The following MOV10L1 variants were observed in gnomAD, a reference collection of about 807,000 sequenced individuals.
MOV10L1 encodes the protein RNA helicase Mov10l1.
A neutral mutation model predicts 143.8 loss-of-function variants in MOV10L1; 110 were observed. That is an observed-to-expected ratio of 0.76 (90% CI 0.66 to 0.90). The LOEUF is 0.90. Among genes scored for constraint, MOV10L1 ranks in the 40% least tolerant of loss-of-function variants. MOV10L1 has a pLI of 0.00. For missense variants in MOV10L1, 1,406 were observed against 1,526.8 expected, an observed-to-expected ratio of 0.92 and a Z score of 1.32; for synonymous variants, 593 against 581.1, an observed-to-expected ratio of 1.02 and a Z score of -0.29.
intron 9 of MOV10L1, among the ~76,000 whole-genome samples, chr22:50,117,778 A>G (rs2062223055): frequency 6.6e-6 from 1 of 152,158 alleles, no homozygotes; most frequent in African/African-American, 2.4e-5. Flanking sequence ...CTGTTTGAAG[A>G]TGTGGTACCA....
Position 50,143,149 on chromosome 22 carries a change from T to C in MOV10L1, c.2286T>C (p.Arg762=). The C allele has an allele frequency of 6.2e-7, 1 of 1,613,984 alleles. No homozygotes were observed. The highest frequency in any genetic ancestry group is 8.5e-7 in the Non-Finnish European group (1 of 1,179,966). Reference sequence around the variant, plus strand: ...AAAGGATTCTGAGTGGTGACTGCCGTCCCCTCCCGTATATTCTCTTTGGAC... The same window carrying C: ...AAAGGATTCTGAGTGGTGACTGCCGCCCCCTCCCGTATATTCTCTTTGGAC... ...AVKRILSGDC[R]PLPYILFGPP... is the part of the protein sequence containing the mutation. Residue 762 remains arginine (R), a synonymous_variant, in exon 17 of 27, where the codon CGT becomes CGC. Coordinates refer to ENST00000262794, the MANE Select transcript of MOV10L1 (RefSeq NM_018995.3).
At chr22:50,120,447 T>C in intron 9 of MOV10L1, 55 bp from the exon 10 acceptor site, 1 of 1,108,374 alleles carries the variant, frequency 9.0e-7, no homozygotes, top group Admixed American at 1.9e-5. Context: ...TAAGAATGTC[T>C]AGTGATACCT....
At chr22:50,145,662 A>T in intron 18 of MOV10L1, 27 bp from the exon 19 acceptor site, 1 of 1,612,442 alleles carries the variant, frequency 6.2e-7, no homozygotes, top group Non-Finnish European at 8.5e-7. Flanking sequence ...GGAGGAGTAA[A>T]CTAACTCTAC....
chr22:50,133,155 G>T (rs2062724925), intron 13 of MOV10L1, among the ~76,000 whole-genome samples: 1 of 152,190 alleles, frequency 6.6e-6, no homozygotes, highest in African/African-American at 2.4e-5. Context: ...AGAAGTGGTG[G>T]CAAGTGCTGC....
chr22:50,099,292 C>G (rs1474224653), intron 2 of MOV10L1, 151 bp from the exon 3 acceptor site: 1 of 823,726 alleles, frequency 1.2e-6, no homozygotes, highest in South Asian at 1.8e-5. Flanking sequence ...CGACGGTATA[C>G]CAGGAAGAAG....
At chr22:50,120,465 AAG>A (rs1335455743) in intron 9 of MOV10L1, 35 bp from the exon 10 acceptor site, 9 of 1,355,138 alleles carry the variant, frequency 6.6e-6, no homozygotes, top group Non-Finnish European at 9.5e-6. Flanking sequence ...CCTGGTGATA[AAG>A]ACTTATTTTT....
chr22:50,146,478 G>T (rs1249760524), intron 19 of MOV10L1, among the ~76,000 whole-genome samples: 2 of 152,068 alleles, frequency 1.3e-5, no homozygotes, highest in Non-Finnish European at 1.5e-5. Flanking sequence ...GGGGGGTGGG[G>T]TCGGGGAGGC....
intron 12 of MOV10L1, 85 bp downstream of exon 12, chr22:50,126,357 G>C: frequency 1.0e-6 from 1 of 991,742 alleles, no homozygotes; most frequent in Non-Finnish European, 1.5e-6. Context: ...ACGGCTCTTG[G>C]GGAGATGCTC....
At chr22:50,147,103 G>A in intron 19 of MOV10L1, 1 of 1,573,550 alleles carries the variant, frequency 6.4e-7, no homozygotes, top group Non-Finnish European at 8.6e-7. Flanking sequence ...CTCTTTGGGG[G>A]CAGAGCGGGC....
intron 1 of MOV10L1, chr22:50,090,670 A>G: frequency 1.1e-6 from 1 of 952,308 alleles, no homozygotes; most frequent in Non-Finnish European, 1.6e-6. Flanking sequence ...CTTTCTCCTG[A>G]GGTGTTTGTG....
At chr22:50,129,817 G>A (rs943447166) in intron 13 of MOV10L1, among the ~76,000 whole-genome samples, 1 of 152,114 alleles carries the variant, frequency 6.6e-6, no homozygotes, top group African/African-American at 2.4e-5. Flanking sequence ...TTGTTCGTGG[G>A]CCGTAAAATG....
Position 50,144,788 on chromosome 22 carries a change from A to G in MOV10L1, c.2505+545A>G, listed in dbSNP as rs6010190. 4.1e-3 allele frequency among the ~76,000 whole-genome samples: 625 copies of G among 152,040 alleles called. 3 individuals are homozygous for G. Among genetic ancestry groups the G allele is most frequent in the Non-Finnish European group, 5.3e-3 (359 of 67,956 alleles). On this transcript the variant is annotated intron_variant, in intron 18 of 26. Coordinates refer to ENST00000262794, the MANE Select transcript of MOV10L1 (RefSeq NM_018995.3). ...AGTAGAGACGGAGTTTCACCGTGTT[A>G]GCCAGGATGGTCTCGATCTCCTGAC... is the stretch of plus-strand genomic sequence containing the variant.
chr22:50,120,449 G>C, intron 9 of MOV10L1, 53 bp from the exon 10 acceptor site: 1 of 1,133,714 alleles, frequency 8.8e-7, no homozygotes, highest in Non-Finnish European at 1.3e-6. Context: ...AGAATGTCTA[G>C]TGATACCTGG....
At chr22:50,140,738 T>A (rs1268876919) in intron 15 of MOV10L1, among the ~76,000 whole-genome samples, 3 of 152,036 alleles carry the variant, frequency 2.0e-5, no homozygotes, top group Non-Finnish European at 4.4e-5. Flanking sequence ...ACTTTTTTTT[T>A]TTGAGACAGA....
chr22:50,108,341 G>A, intron 4 of MOV10L1, 93 bp downstream of exon 4: 1 of 1,173,470 alleles, frequency 8.5e-7, no homozygotes, highest in East Asian at 2.5e-5. Context: ...GCATGTGTTG[G>A]AAGCCTGGAA....
rs751802427 is a variant in MOV10L1 at position 50,113,679 on chromosome 22, T to G, written c.775T>G (p.Phe259Val). 2 of 1,613,940 alleles carry G rather than the reference T, an allele frequency of 1.2e-6. No individual in the cohort carries two copies. The highest frequency in any genetic ancestry group is 1.7e-6 in the Non-Finnish European group (2 of 1,179,940). The change falls in exon 6 of 27, where the codon TTC becomes GTC. Residue 259 changes from phenylalanine (F) to valine (V), a missense_variant. This residue lies in a region of MOV10L1 where 1,233 missense variants were observed against 1,351.4 expected (regional missense o/e 0.91). Coordinates refer to ENST00000262794, the MANE Select transcript of MOV10L1 (RefSeq NM_018995.3). ...DAAPVHEATH[F>V]YGTILLKNKG... ...CGCCCCTGTTCATGAGGCCACTCAT[T>G]TCTATGGAACGATTTTGCTGAAGAA...
intron 15 of MOV10L1, among the ~76,000 whole-genome samples, chr22:50,137,845 TATAA>T (rs1349563239): frequency 7.2e-6 from 1 of 139,552 alleles, no homozygotes; most frequent in Non-Finnish European, 1.6e-5. Context: ...TATATACATA[TATAA>T]ATATACATAT....
At chr22:50,139,820 A>G (rs2147326277) in intron 15 of MOV10L1, among the ~76,000 whole-genome samples, 1 of 152,352 alleles carries the variant, frequency 6.6e-6, no homozygotes, top group African/African-American at 2.4e-5. Flanking sequence ...GGTACCACTG[A>G]ACACCTGCTA....
At chr22:50,142,055 A>T (rs762337131) in intron 15 of MOV10L1, 26 bp from the exon 16 acceptor site, 8 of 1,598,150 alleles carry the variant, frequency 5.0e-6, no homozygotes, top group African/African-American at 1.3e-5. Flanking sequence ...TTTTTTTAAA[A>T]CATTTTTCTG....
Sources: allele counts gnomAD v4.1 joint callset (sites outside exome capture counted in the v4.1 genomes callset), GRCh38; gene constraint gnomAD v4.1.1; regional missense constraint gnomAD v4.1.1; transcripts MANE v1.5; gene names NCBI Gene and HGNC (gene_info 2026-07-23, HGNC 2026-07-21).